Variants in NOS1 observed in about 807,000 individuals in gnomAD.
NOS1 encodes the protein nitric oxide synthase 1.
In NOS1, 51 loss-of-function variants were observed where a neutral mutation model predicts 164.5. The observed-to-expected ratio is 0.31, with a 90% CI of 0.25 to 0.39. The LOEUF (loss-of-function observed/expected upper bound fraction) is 0.39. Among genes scored for constraint, NOS1 ranks in the 10% least tolerant of loss-of-function variants. The pLI is 1.00. For synonymous variants in NOS1, 719 were observed against 745.8 expected, an observed-to-expected ratio of 0.96 and a Z score of 0.59; for missense variants, 1,362 against 1,885.6, an observed-to-expected ratio of 0.72 and a Z score of 5.14.
intron 1 of NOS1, among the ~76,000 whole-genome samples, chr12:117,332,005 C>G (rs1255371988): frequency 6.6e-6 from 1 of 152,170 alleles, no homozygotes; most frequent in Admixed American, 6.5e-5. Flanking sequence ...TGTCAGTTGG[C>G]CTTCATAACC....
chr12:117,331,203 AG>A lies in NOS1; in HGVS notation c.-135del. On this transcript the variant is annotated 5_prime_UTR_variant, in exon 2 of 29. Transcript: ENST00000317775. ...GGGTGACAGGTGCTGACAAGGCTTCAGCCCTCTCTGTCTTTGACGTCAGCTC... is the reference window on the plus strand; with the variant it reads ...GGGTGACAGGTGCTGACAAGGCTTCACCCTCTCTGTCTTTGACGTCAGCTC... 4.3e-6 allele frequency: 5 copies of A among 1,165,000 alleles called. No homozygotes were observed. Among genetic ancestry groups the A allele is most frequent in the Non-Finnish European group, 6.0e-6 (5 of 831,232 alleles). The allele number at this position is 1,165,000 out of a possible 1,614,324, so 72.2% of individuals were successfully genotyped here.
chr12:117,323,472 G>C (rs1875086368), intron 2 of NOS1, among the ~76,000 whole-genome samples: 1 of 152,214 alleles, frequency 6.6e-6, no homozygotes, highest in Non-Finnish European at 1.5e-5. Flanking sequence ...GTCAAGTCCT[G>C]GCTTTGCTAC....
rs74436180 is a variant in NOS1, at chr12:117,299,234, T to C, written c.853-8808A>G. 7.9e-3 allele frequency among the ~76,000 whole-genome samples: 1,210 copies of C among 152,382 alleles called. 18 individuals carry two copies. Among genetic ancestry groups the C allele is most frequent in the African/African-American group, 0.028 (1,148 of 41,592 alleles). On this transcript the variant is annotated intron_variant, in intron 3 of 28. Transcript: ENST00000317775. ...CTTATCCGTACAATTAAAAAATTGC[T>C]ATGTATAGAACTTAACCAAGTGTAT...
intron 2 of NOS1, among the ~76,000 whole-genome samples, chr12:117,326,946 G>A (rs1566077708): frequency 1.3e-5 from 2 of 152,174 alleles, no homozygotes; most frequent in African/African-American, 4.8e-5. Context: ...CCCTGGAGGG[G>A]AAGGACCCAG....
Position 117,326,701 on chromosome 12 carries a change from C to T in NOS1, c.725+3644G>A, listed in dbSNP as rs141646430. 2.3e-3 allele frequency among the ~76,000 whole-genome samples: 354 copies of T among 152,318 alleles called. 2 individuals carry two copies. The highest frequency in any genetic ancestry group is 8.2e-3 in the African/African-American group (339 of 41,568). On this transcript the variant is annotated intron_variant, in intron 2 of 28. Coordinates refer to ENST00000317775, the MANE Select transcript of NOS1 (RefSeq NM_000620.5). Reference sequence around the variant, plus strand: ...GAGAGCTTGGATGCAGCCTCCTGAGCTGGGAAAATAGGTCTGCAGGGGCAG... The same window carrying T: ...GAGAGCTTGGATGCAGCCTCCTGAGTTGGGAAAATAGGTCTGCAGGGGCAG...
At chr12:117,270,368 T>C (rs564475070) in intron 10 of NOS1, among the ~76,000 whole-genome samples, 56 of 152,220 alleles carry the variant, frequency 3.7e-4, no homozygotes, top group African/African-American at 1.2e-3. Context: ...ACCCAGAGAC[T>C]ACTCTTTGCA....
chr12:117,304,731 A>T (rs1874043557), intron 3 of NOS1, among the ~76,000 whole-genome samples: 1 of 152,184 alleles, frequency 6.6e-6, no homozygotes. Flanking sequence ...AGTGACCCAG[A>T]CTGTTGGCAA....
At position 117,331,049 on chromosome 12, in the gene NOS1, A is replaced by T; in HGVS notation, c.21T>A (p.Gly7=). 1 of 1,612,250 alleles carries T rather than the reference A, an allele frequency of 6.2e-7. No individual in the cohort carries two copies. Among genetic ancestry groups the T allele is most frequent in the Non-Finnish European group, 8.5e-7 (1 of 1,178,680 alleles). MEDHMF[G]VQQIQPNVIS... The stretch of plus-strand genomic sequence containing the variant: ...TGACATTGGGCTGGATTTGCTGAAC[A>T]CCGAACATGTGATCCTCCATGGTAA... The change falls in exon 2 of 29, where the codon GGT becomes GGA. Residue 7 remains glycine, a synonymous_variant. Coordinates refer to ENST00000317775, the MANE Select transcript of NOS1 (RefSeq NM_000620.5).
Position 117,256,284 on chromosome 12 carries a change from G to GTTTTTTTTTTTTTTTTTT in NOS1, c.2531+2112_2531+2113insAAAAAAAAAAAAAAAAAA, listed in dbSNP as rs57047376. 2.0e-3 allele frequency among the ~76,000 whole-genome samples: 238 copies of GTTTTTTTTTTTTTTTTTT among 118,322 alleles called. 10 individuals carry two copies. Among genetic ancestry groups the GTTTTTTTTTTTTTTTTTT allele is most frequent in the East Asian group, 4.2e-3 (16 of 3,818 alleles). The allele number at this position is 118,322 out of a possible 152,430, so 77.6% of individuals were successfully genotyped here. A position where few individuals can be genotyped will look rare whatever the true frequency, so the allele number is the denominator to read the frequency against. On this transcript the variant is annotated intron_variant, in intron 16 of 28. Coordinates refer to ENST00000317775, the MANE Select transcript of NOS1 (RefSeq NM_000620.5). Reference sequence around the variant, plus strand: ...CAAAGAAAATCAGAAGGGATTTTCTGTTTTTTTTTTTTGAGACGGAGTCTC... The same window carrying GTTTTTTTTTTTTTTTTTT: ...CAAAGAAAATCAGAAGGGATTTTCTGTTTTTTTTTTTTTTTTTTTTTTTTTTTTTTGAGACGGAGTCTC...
At chr12:117,341,512 T>A (rs777735311) in intron 1 of NOS1, among the ~76,000 whole-genome samples, 7 of 152,232 alleles carry the variant, frequency 4.6e-5, no homozygotes, top group Non-Finnish European at 7.3e-5. Flanking sequence ...CTTGAGCTAG[T>A]TCGGCCAACG....
At chr12:117,226,578 C>A in intron 24 of NOS1, 105 bp downstream of exon 24, 4 of 926,066 alleles carry the variant, frequency 4.3e-6, no homozygotes, top group Non-Finnish European at 6.9e-6. Flanking sequence ...CGTGTGTCAC[C>A]CAGCCATCTC....
rs1956530332 is a variant in NOS1, at chr12:117,211,656, A to C, written c.*3653T>G. On this transcript the variant is annotated 3_prime_UTR_variant, in exon 29 of 29. Transcript: ENST00000317775. ...GCTCCCTGTCCGTGCCTTTCCTCTC[A>C]CTCTTCCCAATTCCTGGACAACTCT... 1.0e-6 allele frequency: 1 copy of C among 984,348 alleles called. No individual in the cohort carries two copies. The highest frequency in any genetic ancestry group is 1.2e-6 in the Non-Finnish European group (1 of 829,818). 61.0% of individuals were successfully genotyped at this position (984,348 alleles called of 1,614,324 possible).
At chr12:117,262,044 T>C (rs1871947564) in intron 13 of NOS1, among the ~76,000 whole-genome samples, 1 of 152,130 alleles carries the variant, frequency 6.6e-6, no homozygotes, top group African/African-American at 2.4e-5. Context: ...AATCGCTAAC[T>C]TCCCCCCACC....
At chr12:117,310,454 AAAC>A (rs1310743923) in intron 3 of NOS1, among the ~76,000 whole-genome samples, 21 of 152,232 alleles carry the variant, frequency 1.4e-4, no homozygotes, top group Non-Finnish European at 2.5e-4. Context: ...GCAAGATATA[AAAC>A]AACATGTGTA....
At position 117,221,539 on chromosome 12, in the gene NOS1, C is replaced by T. The variant is rs202220825; in HGVS notation, c.3975+1176G>A. ...CCTCAAATGATCTGCCCACCTTGGCCTCCCAAAGTGCTGGGATTACAGGTG... is the reference window on the plus strand; with the variant it reads ...CCTCAAATGATCTGCCCACCTTGGCTTCCCAAAGTGCTGGGATTACAGGTG... On this transcript the variant is annotated intron_variant, in intron 26 of 28. Transcript: ENST00000317775. Among the ~76,000 whole-genome samples, 20 of 152,218 alleles carry T rather than the reference C, an allele frequency of 1.3e-4. No individual in the cohort carries two copies. In the East Asian group the frequency reaches 3.9e-3, roughly 29 times the overall value.
chr12:117,215,869 C>CTTTTTTT (rs34665031), intron 28 of NOS1, among the ~76,000 whole-genome samples: 2 of 85,426 alleles, frequency 2.3e-5, no homozygotes, highest in Admixed American at 1.6e-4. Context: ...TTTAAAAGGA[C>CTTTTTTT]TTTTTTTTTT....
rs369893598 is a variant in NOS1 at position 117,278,051 on chromosome 12, G to T, written c.1572C>A (p.Val524=). ...CGTTGGCCTGAAGCAGGAGCGGCAG[G>T]ACATCGAAGCGGCCTCTAGGCGGTT... ...GWKPPRGRFD[V]LPLLLQANGN... Residue 524 remains valine (V), a synonymous_variant, in exon 9 of 29, where the codon GTC becomes GTA. Coordinates refer to ENST00000317775, the MANE Select transcript of NOS1 (RefSeq NM_000620.5). The T allele has an allele frequency of 7.6e-5, 122 of 1,614,064 alleles. No homozygotes were observed. In the Middle Eastern group the frequency reaches 8.3e-4, roughly 11 times the overall value.
At chr12:117,255,405 A>T (rs1408258598) in intron 16 of NOS1, among the ~76,000 whole-genome samples, 2 of 152,202 alleles carry the variant, frequency 1.3e-5, no homozygotes, top group Non-Finnish European at 2.9e-5. Context: ...TGAGAAAATT[A>T]AAAAAAGAGA....
At chr12:117,228,561 G>C (rs1390217978) in intron 22 of NOS1, among the ~76,000 whole-genome samples, 1 of 152,148 alleles carries the variant, frequency 6.6e-6, no homozygotes, top group Non-Finnish European at 1.5e-5. Flanking sequence ...TTGGGGACGT[G>C]TTGACAGCAA....
Sources: gnomAD v4.1 joint callset for allele counts (sites outside exome capture counted in the v4.1 genomes callset) on GRCh38, gnomAD v4.1.1 for gene constraint, MANE v1.5 for transcripts, NCBI Gene and HGNC (gene_info 2026-07-23, HGNC 2026-07-21) for gene names.